The following IFI6 variants were observed in gnomAD, a reference collection of about 807,000 sequenced individuals.
The protein encoded by IFI6 is interferon alpha-inducible protein 6.
A neutral mutation model predicts 12.7 loss-of-function variants in IFI6; 10 were observed. The observed-to-expected ratio is 0.79, with a 90% CI of 0.49 to 1.33. The LOEUF is 1.33. Among genes scored for constraint, IFI6 ranks in the 40% most tolerant of loss-of-function variants. The pLI, the probability that IFI6 is intolerant of heterozygous loss-of-function variation, is 0.00. For missense variants in IFI6, 154 were observed against 180.4 expected, an observed-to-expected ratio of 0.85 and a Z score of 0.84; for synonymous variants, 89 against 86.2, an observed-to-expected ratio of 1.03 and a Z score of -0.18.
rs1320994554 is a variant in IFI6 at position 27,668,472 on chromosome 1, A to G, written c.134T>C (p.Met45Thr). 12 of 1,611,664 alleles carry G rather than the reference A, an allele frequency of 7.4e-6. No homozygotes were observed. The highest frequency in any genetic ancestry group is 4.5e-5 in the East Asian group (2 of 44,738). The change falls in exon 3 of 5, where the codon ATG becomes ACG. Residue 45 changes from methionine (M) to threonine (T), a missense_variant. Met to Thr is a moderately conservative substitution (Grantham distance 81). Coordinates refer to ENST00000361157, the MANE Select transcript of IFI6 (RefSeq NM_002038.4). ...GSGFWKALTF[M>T]AVGGGLAVAG... The stretch of plus-strand genomic sequence containing the variant: ...TCCAGACCCACCTCCTCCGACGGCC[A>G]TGAAGGTCAGGGCCTTCCAGAACCC...
At position 27,666,250 on chromosome 1, in the gene IFI6, A is replaced by G. The variant is rs937553592; in HGVS notation, c.*131T>C. 2.5e-5 allele frequency: 14 copies of G among 564,762 alleles called. No individual in the cohort carries two copies. In the Middle Eastern group the frequency reaches 1.3e-3, roughly 54 times the overall value. 35.0% of individuals were successfully genotyped at this position (564,762 alleles called of 1,614,324 possible). On this transcript the variant is annotated 3_prime_UTR_variant, in exon 5 of 5. Coordinates refer to ENST00000361157, the MANE Select transcript of IFI6 (RefSeq NM_002038.4). ...ACTATGTTCGCATCTGTGAATAGCC[A>G]CTGCACTCTAGCCTGGACAATATAG...
chr1:27,672,102 C>T (rs1433013067), intron 1 of IFI6, 21 bp downstream of exon 1: 1 of 152,244 alleles, frequency 6.6e-6, no homozygotes, highest in Non-Finnish European at 1.5e-5. Context: ...GATGCCCACA[C>T]TTCATAGCTC....
At chr1:27,668,083 T>C in intron 4 of IFI6, 143 bp downstream of exon 4, 2 of 862,608 alleles carry the variant, frequency 2.3e-6, no homozygotes, top group South Asian at 2.1e-5. Flanking sequence ...TCAAAATAAA[T>C]AAATAAAGAA....
chr1:27,668,389 A>G lies in IFI6; in HGVS notation c.149-14T>C. ...CGACTGCGAGTCCTGGAGGAACAGGAGCAGGTGAGGGAGCGTCCGCGGCAG... is the reference window on the plus strand; with the variant it reads ...CGACTGCGAGTCCTGGAGGAACAGGGGCAGGTGAGGGAGCGTCCGCGGCAG... On this transcript the variant is annotated splice_polypyrimidine_tract_variant and intron_variant, in intron 3 of 4. Transcript: ENST00000361157. 1 of 1,573,994 alleles carries G rather than the reference A, an allele frequency of 6.4e-7. No individual in the cohort carries two copies. Among genetic ancestry groups the G allele is most frequent in the Non-Finnish European group, 8.6e-7 (1 of 1,158,672 alleles).
intron 3 of IFI6, 40 bp downstream of exon 3, chr1:27,668,418 C>A: frequency 6.3e-7 from 1 of 1,589,476 alleles, no homozygotes; most frequent in Non-Finnish European, 8.6e-7. Context: ...GCGGCAGAGG[C>A]CCGCCCCGCC....
At chr1:27,666,603 T>C in intron 4 of IFI6, 128 bp from the exon 5 acceptor site, 1 of 580,410 alleles carries the variant, frequency 1.7e-6, no homozygotes, top group East Asian at 2.9e-5. Flanking sequence ...TGAGAGGGGA[T>C]GGCACTACTA....
intron 2 of IFI6, among the ~76,000 whole-genome samples, 193 bp from the exon 3 acceptor site, chr1:27,668,728 G>A (rs2090375829): frequency 6.6e-6 from 1 of 152,104 alleles, no homozygotes; most frequent in African/African-American, 2.4e-5. Context: ...GTAAATTTCG[G>A]TAGGATGGAG....
intron 4 of IFI6, among the ~76,000 whole-genome samples, chr1:27,667,739 A>G (rs2090362273): frequency 6.6e-6 from 1 of 152,198 alleles, no homozygotes; most frequent in African/African-American, 2.4e-5. Flanking sequence ...GTCAGAATCT[A>G]GGCTCTGGTC....
chr1:27,670,547 A>C (rs1401085086), intron 1 of IFI6: 1 of 151,186 alleles, frequency 6.6e-6, no homozygotes, highest in Non-Finnish European at 1.5e-5. Context: ...TCAGCCTCCC[A>C]AAGTGCTGAG....
chr1:27,668,129 G>A (rs2090365022), intron 4 of IFI6, 97 bp downstream of exon 4: 3 of 1,098,414 alleles, frequency 2.7e-6, no homozygotes, highest in Non-Finnish European at 3.7e-6. Context: ...AATTACTTGA[G>A]TAAATTACTT....
intron 1 of IFI6, 161 bp from the exon 2 acceptor site, chr1:27,669,507 C>G (rs558649729): frequency 6.9e-6 from 4 of 575,762 alleles, no homozygotes; most frequent in Non-Finnish European, 1.3e-5. Context: ...GTTTCCTCTC[C>G]GCATCAGTGG....
chr1:27,669,887 C>T (rs897717443), intron 1 of IFI6: 1 of 152,948 alleles, frequency 6.5e-6, no homozygotes, highest in African/African-American at 2.4e-5. Flanking sequence ...GGCCTCACAT[C>T]AACTTAATTT....
In IFI6 at chr1:27,668,254, C is replaced by A. The variant is rs748520449; in HGVS notation, c.270G>T (p.Gly90=). The change falls in exon 4 of 5, where the codon GGG becomes GGT. Residue 90 remains glycine, a synonymous_variant. Transcript: ENST00000361157. ...GGCTCTGCAGCGTGGCCACTAGCCC[C>A]CCGGCGGGCACGCCGCCCCCATTCA... ...AILNGGGVPA[G]GLVATLQSLG... 4.1e-5 allele frequency: 64 copies of A among 1,574,428 alleles called. No homozygotes were observed. The highest frequency in any genetic ancestry group is 5.2e-5 in the Non-Finnish European group (61 of 1,165,646).
intron 4 of IFI6, 140 bp from the exon 5 acceptor site, chr1:27,666,615 A>G: frequency 5.8e-6 from 2 of 347,402 alleles, no homozygotes; most frequent in Non-Finnish European, 9.5e-6. Flanking sequence ...GCACTACTAC[A>G]AAGTGAGTCC....
intron 4 of IFI6, among the ~76,000 whole-genome samples, chr1:27,667,232 C>G: frequency 8.0e-6 from 1 of 124,910 alleles, no homozygotes; most frequent in East Asian, 2.4e-4. Flanking sequence ...AATGAGACCC[C>G]GTCTCTACAA....
At chr1:27,667,279 G>A (rs2090359570) in intron 4 of IFI6, among the ~76,000 whole-genome samples, 1 of 149,850 alleles carries the variant, frequency 6.7e-6, no homozygotes, top group Admixed American at 6.7e-5. Context: ...GCCAGTGTGT[G>A]GCGGTATGCG....
In IFI6 at chr1:27,668,325, C is replaced by G. The variant is rs756544113; in HGVS notation, c.199G>C (p.Ala67Pro). The G allele has an allele frequency of 6.4e-7, 1 of 1,570,408 alleles. No homozygotes were observed. Among genetic ancestry groups the G allele is most frequent in the African/African-American group, 1.4e-5 (1 of 73,680 alleles). Residue 67 changes from alanine to proline, a missense_variant, in exon 4 of 5, where the codon GCG becomes CCG. Ala to Pro is a conservative substitution (Grantham distance 27, BLOSUM62 -1). Transcript: ENST00000361157. ...PALGFTGAGI[A>P]ANSVAASLMS... Reference sequence around the variant, plus strand: ...AGCGAGGCAGCCACCGAGTTGGCCGCGATGCCGGCGCCGGTGAAGCCCAGC... The same window carrying G: ...AGCGAGGCAGCCACCGAGTTGGCCGGGATGCCGGCGCCGGTGAAGCCCAGC...
At chr1:27,669,214 C>CCCTTACCTGCAT (rs920136872) in intron 2 of IFI6, 31 bp downstream of exon 2, 6 of 1,549,080 alleles carry the variant, frequency 3.9e-6, no homozygotes, top group Non-Finnish European at 5.2e-6. Context: ...CTTACCTGTC[C>CCCTTACCTGCAT]CCTTACCTGC....
chr1:27,672,081 G>A (rs1440775175), intron 1 of IFI6, 42 bp downstream of exon 1: 1 of 152,228 alleles, frequency 6.6e-6, no homozygotes, highest in Admixed American at 6.5e-5. Context: ...CCTGGCAGAG[G>A]GTGGCAGCTT....
Sources: gnomAD v4.1 joint callset for allele counts (sites outside exome capture counted in the v4.1 genomes callset) on GRCh38, gnomAD v4.1.1 for gene constraint, MANE v1.5 for transcripts, NCBI Gene and HGNC (gene_info 2026-07-23, HGNC 2026-07-21) for gene names.